Variants in CAMK1G observed in about 807,000 individuals in gnomAD.
CAMK1G encodes the protein calcium/calmodulin dependent protein kinase IG.
Under a neutral mutation model 54.8 loss-of-function variants are expected in CAMK1G, and 27 were observed. The ratio of observed to expected loss-of-function variants is 0.49; its 90% CI spans 0.36 to 0.68. CAMK1G has a LOEUF of 0.68. CAMK1G is among the 30% of genes least tolerant of loss of function. CAMK1G has a pLI of 0.00. For synonymous variants in CAMK1G, 238 were observed against 224.9 expected, an observed-to-expected ratio of 1.06 and a Z score of -0.52; for missense variants, 512 against 591.0, an observed-to-expected ratio of 0.87 and a Z score of 1.39.
intron 9 of CAMK1G, 34 bp downstream of exon 9, chr1:209,609,963 G>A (rs1221037923): frequency 1.3e-6 from 2 of 1,551,876 alleles, no homozygotes; most frequent in Non-Finnish European, 1.8e-6. Context: ...CTAGACCCCA[G>A]CCCTGTAGTT....
Position 209,605,595 on chromosome 1 carries a change from A to G in CAMK1G, c.356A>G (p.Asp119Gly). The change falls in exon 5 of 13, where the codon GAT (aspartate) becomes GGT (glycine). Residue 119 changes from aspartate to glycine, a missense_variant. Asp to Gly is a moderately conservative substitution (Grantham distance 94, BLOSUM62 -1). This residue lies in a region of CAMK1G where 186 missense variants were observed against 231.5 expected (regional missense o/e 0.80). Coordinates refer to ENST00000361322, the MANE Select transcript of CAMK1G (RefSeq NM_020439.3). ...GAGCGGGGTGTCTACACAGAGAAGG[A>G]TGCCAGTCTGGTGATCCAGCAGGTC... ...ILERGVYTEKDASLVIQQVLS... is the reference protein window; with the variant it reads ...ILERGVYTEKGASLVIQQVLS... The G allele has an allele frequency of 6.2e-7, 1 of 1,614,190 alleles. No individual in the cohort carries two copies. Among genetic ancestry groups the G allele is most frequent in the Non-Finnish European group, 8.5e-7 (1 of 1,180,022 alleles).
Position 209,605,511 on chromosome 1 carries a change from T to C in CAMK1G, c.297-25T>C, listed in dbSNP as rs1326452066. ...ACTTTGAGTGAAATGAGAACTGAAT[T>C]CCTGTCTTGATCCTATGCCCACAGT... is the stretch of plus-strand genomic sequence containing the variant. On this transcript the variant is annotated intron_variant, in intron 4 of 12. Transcript: ENST00000361322. 1.5e-5 allele frequency: 24 copies of C among 1,609,182 alleles called. No homozygotes were observed. The Middle Eastern group carries it at 5.0e-4, about 33-fold the overall frequency.
chr1:209,611,567 C>G lies in CAMK1G; in HGVS notation c.915+15C>G, dbSNP rs1571788567. The G allele has an allele frequency of 6.2e-7, 1 of 1,608,950 alleles. No individual in the cohort carries two copies. The highest frequency in any genetic ancestry group is 1.3e-5 in the African/African-American group (1 of 74,794). ...GCAAGTGGAGGGTAAGCTGTCCTCT[C>G]CAGGGGGTGGGAAAGCTGTTCTGGG... is the stretch of plus-strand genomic sequence containing the variant. On this transcript the variant is annotated intron_variant, in intron 10 of 12. Transcript: ENST00000361322.
At chr1:209,598,257 T>C (rs1222769596) in intron 2 of CAMK1G, among the ~76,000 whole-genome samples, 1 of 152,222 alleles carries the variant, frequency 6.6e-6, no homozygotes, top group African/African-American at 2.4e-5. Flanking sequence ...TGCTAGGTTC[T>C]CTCTTTTGTC....
At chr1:209,589,027 C>T (rs201258234) in intron 1 of CAMK1G, among the ~76,000 whole-genome samples, 3 of 94,178 alleles carry the variant, frequency 3.2e-5, no homozygotes, top group African/African-American at 8.5e-5. Context: ...ACAATTGAGC[C>T]GAAGCTAGGA....
At chr1:209,590,195 A>C (rs1378050972) in intron 1 of CAMK1G, among the ~76,000 whole-genome samples, 4 of 152,236 alleles carry the variant, frequency 2.6e-5, no homozygotes, top group Non-Finnish European at 5.9e-5. Flanking sequence ...TCCTCTGAAA[A>C]GGCCTAGATT....
chr1:209,599,648 C>T (rs1665478452), intron 2 of CAMK1G, among the ~76,000 whole-genome samples: 1 of 152,226 alleles, frequency 6.6e-6, no homozygotes, highest in Non-Finnish European at 1.5e-5. Flanking sequence ...CCTAGTCTGT[C>T]TTCCCTACTC....
intron 3 of CAMK1G, among the ~76,000 whole-genome samples, chr1:209,602,918 A>C (rs1665564102): frequency 6.6e-6 from 1 of 152,192 alleles, no homozygotes; most frequent in African/African-American, 2.4e-5. Flanking sequence ...CCATTCTTCT[A>C]ACTGTCTCTT....
chr1:209,597,160 C>A (rs2102386294), intron 2 of CAMK1G, among the ~76,000 whole-genome samples: 1 of 152,212 alleles, frequency 6.6e-6, no homozygotes, highest in East Asian at 1.9e-4. Context: ...GACAAGTGTA[C>A]AAATTATGAA....
At chr1:209,603,170 A>C (rs775251697) in intron 3 of CAMK1G, 44 bp from the exon 4 acceptor site, 1 of 1,606,546 alleles carries the variant, frequency 6.2e-7, no homozygotes, top group African/African-American at 1.3e-5. Flanking sequence ...TTGTCTGTAC[A>C]ACCTGAACCA....
Position 209,607,925 on chromosome 1 carries a change from C to T in CAMK1G, c.627C>T (p.Thr209=). The change falls in exon 7 of 13, where the codon ACC becomes ACT. Residue 209 remains threonine (T), a synonymous_variant. Transcript: ENST00000361322. ...ATTGCTGGTCCATCGGCGTCATCAC[C>T]TACATATTGTGAGTAGACGCTGGCC... The part of the protein sequence containing the change: ...AVDCWSIGVI[T]YILLCGYPPF... The T allele has an allele frequency of 6.2e-7, 1 of 1,612,872 alleles. No homozygotes were observed. Among genetic ancestry groups the T allele is most frequent in the Non-Finnish European group, 8.5e-7 (1 of 1,179,210 alleles).
Position 209,613,698 on chromosome 1 carries a change from T to C in CAMK1G, c.*696T>C, listed in dbSNP as rs1032094054. ...CCAAAGTGGAATAGAAAGAAGTTCA[T>C]GAGTAAGGGCTGCAAGGAATTCTTA... On this transcript the variant is annotated 3_prime_UTR_variant, in exon 13 of 13. Transcript: ENST00000361322. 6.6e-6 allele frequency: 1 copy of C among 152,300 alleles called. No homozygotes were observed. The highest frequency in any genetic ancestry group is 2.4e-5 in the African/African-American group (1 of 41,452). The allele number at this position is 152,300 out of a possible 1,614,324, so 9.4% of individuals were successfully genotyped here. A position where few individuals can be genotyped will look rare whatever the true frequency, so the allele number is the denominator to read the frequency against.
At position 209,600,052 on chromosome 1, in the gene CAMK1G, C is replaced by T; in HGVS notation, c.162C>T (p.Ile54=). The change falls in exon 3 of 13, where the codon ATC becomes ATT. Residue 54 remains isoleucine (I), a synonymous_variant. Transcript: ENST00000361322. ...LTGKLFALKC[I]KKSPAFRDSS... is the part of the protein sequence containing the mutation. The stretch of plus-strand genomic sequence containing the variant: ...GGAAGCTCTTTGCTCTGAAGTGCAT[C>T]AAGAAGTCACCTGCCTTCCGGGACA... 1 of 1,613,990 alleles carries T rather than the reference C, an allele frequency of 6.2e-7. No individual in the cohort carries two copies. Among genetic ancestry groups the T allele is most frequent in the East Asian group, 2.2e-5 (1 of 44,894 alleles).
At chr1:209,584,708 A>G (rs1199017419) in intron 1 of CAMK1G, among the ~76,000 whole-genome samples, 2 of 152,090 alleles carry the variant, frequency 1.3e-5, no homozygotes, top group African/African-American at 4.8e-5. Context: ...ATTGATCATG[A>G]GGAAAGCCTC....
At chr1:209,588,008 T>C (rs540534537) in intron 1 of CAMK1G, among the ~76,000 whole-genome samples, 1 of 152,286 alleles carries the variant, frequency 6.6e-6, no homozygotes, top group South Asian at 2.1e-4. Context: ...AAGCAGAGAC[T>C]ATAAAGCAGT....
In CAMK1G at chr1:209,612,828, A is replaced by T; in HGVS notation, c.1384A>T (p.Ser462Cys). ...CATGGTACCAGTTAAAGCCAGTGGC[A>T]GCTCCCACTGCCGGGCAGGGCAGAC... ...EVMVPVKASG[S>C]SHCRAGQTGV... The change falls in exon 12 of 13, where the codon AGC becomes TGC. Residue 462 changes from serine to cysteine, a missense_variant. By Grantham distance (112) the Ser-to-Cys change is moderately radical. Coordinates refer to ENST00000361322, the MANE Select transcript of CAMK1G (RefSeq NM_020439.3). The T allele has an allele frequency of 2.5e-6, 4 of 1,614,116 alleles. No individual in the cohort carries two copies. The highest frequency in any genetic ancestry group is 3.4e-6 in the Non-Finnish European group (4 of 1,179,980).
At chr1:209,595,451 G>A (rs1264718657) in intron 2 of CAMK1G, among the ~76,000 whole-genome samples, 1 of 151,710 alleles carries the variant, frequency 6.6e-6, no homozygotes. Context: ...GAGCTCTCAG[G>A]GAATACCAGT....
In CAMK1G at chr1:209,600,777, G is replaced by A. The variant is rs1571779972; in HGVS notation, c.221+666G>A. Among the ~76,000 whole-genome samples the A allele has an allele frequency of 2.0e-5, 3 of 152,346 alleles. No homozygotes were observed. In the Middle Eastern group the frequency reaches 0.01, roughly 518 times the overall value. Reference sequence around the variant, plus strand: ...ATTTTGCCTATGCATATGTTTTTATGAGTATGAGTTATTGGACCACTTTCA... The same window carrying A: ...ATTTTGCCTATGCATATGTTTTTATAAGTATGAGTTATTGGACCACTTTCA... On this transcript the variant is annotated intron_variant, in intron 3 of 12. Transcript: ENST00000361322.
chr1:209,609,168 A>T (rs1293386270), intron 8 of CAMK1G, 76 bp downstream of exon 8: 1 of 1,572,196 alleles, frequency 6.4e-7, no homozygotes, highest in African/African-American at 1.4e-5. Flanking sequence ...TTAACAAAGG[A>T]TGACAGTCCC....
Sources: allele counts gnomAD v4.1 joint callset (sites outside exome capture counted in the v4.1 genomes callset), GRCh38; gene constraint gnomAD v4.1.1; regional missense constraint gnomAD v4.1.1; transcripts MANE v1.5; gene names NCBI Gene and HGNC (gene_info 2026-07-23, HGNC 2026-07-21).